Variants in COP1 observed in about 807,000 individuals in gnomAD.
COP1 encodes E3 ubiquitin-protein ligase COP1.
COP1 carries 24 observed loss-of-function variants against 101.3 expected under a neutral mutation model. That is an observed-to-expected ratio of 0.24 (90% confidence interval 0.17 to 0.33). COP1 has a LOEUF of 0.33. Ranked by LOEUF, COP1 falls within the 10% of genes least tolerant of loss-of-function variation. The pLI, the probability that COP1 is intolerant of heterozygous loss-of-function variation, is 1.00. For missense variants in COP1, 663 were observed against 906.2 expected (o/e 0.73, Z 3.45); for synonymous variants, 347 against 341.9 (o/e 1.01, Z -0.17).
chr1:176,003,742 T>A (rs974903145), intron 15 of COP1, among the ~76,000 whole-genome samples: 1 of 151,748 alleles, frequency 6.6e-6, no homozygotes, highest in South Asian at 2.1e-4. Context: ...CATGCTGTTT[T>A]GGTTACTGTA....
intron 11 of COP1, among the ~76,000 whole-genome samples, chr1:176,066,927 C>A (rs1009824551): frequency 6.6e-6 from 1 of 152,180 alleles, no homozygotes; most frequent in Non-Finnish European, 1.5e-5. Flanking sequence ...GACCTAGCCC[C>A]TATCCAACTT....
intron 3 of COP1, among the ~76,000 whole-genome samples, chr1:176,173,040 C>T (rs1421672789): frequency 3.9e-5 from 6 of 152,120 alleles, no homozygotes; most frequent in African/African-American, 1.2e-4. Context: ...GGGCCAGGGG[C>T]GGTGGCTCAC....
At chr1:176,042,313 C>A (rs1180272337) in intron 14 of COP1, among the ~76,000 whole-genome samples, 2 of 145,642 alleles carry the variant, frequency 1.4e-5, no homozygotes, top group Non-Finnish European at 3.0e-5. Context: ...GTAATCCCAG[C>A]ACTTTCAGAG....
At chr1:176,080,193 TAAAAAG>T (rs1019914030) in intron 11 of COP1, among the ~76,000 whole-genome samples, 1 of 151,970 alleles carries the variant, frequency 6.6e-6, no homozygotes, top group Non-Finnish European at 1.5e-5. Context: ...TCCTAAAAAA[TAAAAAG>T]AAAGCTAAAA....
At chr1:176,064,008 GA>G (rs1211927284) in intron 11 of COP1, among the ~76,000 whole-genome samples, 1 of 152,156 alleles carries the variant, frequency 6.6e-6, no homozygotes, top group Non-Finnish European at 1.5e-5. Context: ...AAATATGACA[GA>G]AGTTTAATCA....
chr1:176,126,156 A>T (rs1342085538), intron 8 of COP1, among the ~76,000 whole-genome samples: 1 of 152,200 alleles, frequency 6.6e-6, no homozygotes, highest in Non-Finnish European at 1.5e-5. Context: ...AGATCACATC[A>T]TCTGTAAACA....
At chr1:176,100,154 C>G (rs920246132) in intron 9 of COP1, 2 of 158,366 alleles carry the variant, frequency 1.3e-5, no homozygotes, top group Non-Finnish European at 2.8e-5. Context: ...CTTTGGGAGG[C>G]CGAGGCAGGT....
At chr1:175,962,944 T>C (rs1029908651) in intron 18 of COP1, among the ~76,000 whole-genome samples, 2 of 152,210 alleles carry the variant, frequency 1.3e-5, no homozygotes, top group Non-Finnish European at 2.9e-5. Context: ...TTGTTTGAAG[T>C]GAATATAATG....
At chr1:176,078,122 T>C (rs938947317) in intron 11 of COP1, among the ~76,000 whole-genome samples, 1 of 152,188 alleles carries the variant, frequency 6.6e-6, no homozygotes, top group African/African-American at 2.4e-5. Flanking sequence ...ACGTCATTTT[T>C]CACAGAATTA....
chr1:176,162,692 GTTCT>G, intron 5 of COP1, among the ~76,000 whole-genome samples, 173 bp downstream of exon 5: 1 of 152,140 alleles, frequency 6.6e-6, no homozygotes, highest in Non-Finnish European at 1.5e-5. Flanking sequence ...TATTGAAATT[GTTCT>G]TTAAGTTACA....
chr1:176,078,420 G>C (rs1172687305), intron 11 of COP1, among the ~76,000 whole-genome samples: 3 of 152,104 alleles, frequency 2.0e-5, no homozygotes, highest in Admixed American at 6.6e-5. Context: ...TCAATCAATG[G>C]TGCTTGGATA....
At chr1:176,157,571 T>C (rs913976330) in intron 5 of COP1, among the ~76,000 whole-genome samples, 1 of 152,166 alleles carries the variant, frequency 6.6e-6, no homozygotes, top group Non-Finnish European at 1.5e-5. Flanking sequence ...GTCTCAGTAG[T>C]GAGGCAAAAC....
chr1:176,015,696 C>G (rs544651232), intron 15 of COP1, among the ~76,000 whole-genome samples: 18 of 152,040 alleles, frequency 1.2e-4, no homozygotes, highest in African/African-American at 3.9e-4. Flanking sequence ...GCAGGGAAAG[C>G]AACAAAGAGA....
chr1:176,102,399 A>G (rs1476121846), intron 9 of COP1, among the ~76,000 whole-genome samples: 1 of 152,166 alleles, frequency 6.6e-6, no homozygotes, highest in Admixed American at 6.5e-5. Flanking sequence ...CACTACACAC[A>G]TGAAAAGGAA....
chr1:176,157,487 G>C (rs1572581983), intron 5 of COP1, among the ~76,000 whole-genome samples: 1 of 152,082 alleles, frequency 6.6e-6, no homozygotes, highest in Non-Finnish European at 1.5e-5. Flanking sequence ...CAAAGGGCCA[G>C]AAATATTACA....
At chr1:176,066,447 G>C (rs1302441731) in intron 11 of COP1, among the ~76,000 whole-genome samples, 2 of 152,022 alleles carry the variant, frequency 1.3e-5, no homozygotes, top group African/African-American at 4.8e-5. Flanking sequence ...ACTCCTTCCA[G>C]TGATAAAATG....
At chr1:176,180,491 G>A (rs550663819) in intron 2 of COP1, among the ~76,000 whole-genome samples, 10 of 152,032 alleles carry the variant, frequency 6.6e-5, no homozygotes, top group South Asian at 2.1e-4. Flanking sequence ...CACATATCTC[G>A]GGTCCACCTG....
At position 175,953,761 on chromosome 1, in the gene COP1, T is replaced by C. The variant is rs1254188249; in HGVS notation, c.2134-6522A>G. ...ATTTCATAATTAAATAAGGGTCAAC[T>C]TATAAAAAAAAAAAAAAACTCCTAT... is the stretch of plus-strand genomic sequence containing the variant. On this transcript the variant is annotated intron_variant, in intron 18 of 19. Coordinates refer to ENST00000367669, the MANE Select transcript of COP1 (RefSeq NM_022457.7). Among the ~76,000 whole-genome samples, 3 of 134,452 alleles carry C rather than the reference T, an allele frequency of 2.2e-5. No homozygotes were observed. The South Asian group carries it at 7.1e-4, about 32-fold the overall frequency. The allele number at this position is 134,452 out of a possible 152,430, so 88.2% of individuals were successfully genotyped here.
chr1:176,087,449 T>G (rs1181804929), intron 9 of COP1, among the ~76,000 whole-genome samples: 1 of 152,154 alleles, frequency 6.6e-6, no homozygotes, highest in East Asian at 1.9e-4. Flanking sequence ...GAGAAGGGTA[T>G]GAACACACAC....
Sources: gnomAD v4.1 joint callset for allele counts (sites outside exome capture counted in the v4.1 genomes callset) on GRCh38, gnomAD v4.1.1 for gene constraint, MANE v1.5 for transcripts, NCBI Gene and HGNC (gene_info 2026-07-23, HGNC 2026-07-21) for gene names.